MGAT4C: variants seen among roughly 807,000 people sequenced by gnomAD.
MGAT4C encodes the protein alpha-1,3-mannosyl-glycoprotein 4-beta-N-acetylglucosaminyltransferase C.
MGAT4C carries 19 observed loss-of-function variants against 40.1 expected under a neutral mutation model. The ratio of observed to expected loss-of-function variants is 0.47; its 90% CI spans 0.33 to 0.70. The LOEUF is 0.70. Ranked by LOEUF, MGAT4C falls within the 30% of genes least tolerant of loss-of-function variation. The probability of loss-of-function intolerance (pLI) is 0.02; values close to 1 mark genes in which losing one functional copy is unlikely to be tolerated. For missense variants in MGAT4C, 491 were observed against 563.2 expected (o/e 0.87, Z 1.30); for synonymous variants, 181 against 187.1 (o/e 0.97, Z 0.27).
intron 2 of MGAT4C, among the ~76,000 whole-genome samples, chr12:86,688,617 T>A (rs952126519): frequency 3.9e-5 from 6 of 152,172 alleles, no homozygotes; most frequent in Non-Finnish European, 8.8e-5. Context: ...TGAGTTTGGC[T>A]GGATATGAAA....
At position 86,692,500 on chromosome 12, in the gene MGAT4C, T is replaced by C. The variant is rs141535431; in HGVS notation, c.-229+34709A>G. On this transcript the variant is annotated intron_variant, in intron 2 of 7. Transcript: ENST00000548651. ...CAAAGACTCAATTTTGTAAAGAGTT[T>C]ATTTCTCTCCAATTTGTTTAAAATT... is the stretch of plus-strand genomic sequence containing the variant. Among the ~76,000 whole-genome samples the C allele has an allele frequency of 1.2e-4, 19 of 152,314 alleles. 1 individual carries two copies. In the East Asian group the frequency reaches 3.5e-3, roughly 28 times the overall value.
chr12:85,992,266 C>G (rs1333071062), intron 2 of MGAT4C, among the ~76,000 whole-genome samples: 1 of 152,228 alleles, frequency 6.6e-6, no homozygotes, highest in Non-Finnish European at 1.5e-5. Flanking sequence ...CCTCTATCAC[C>G]TCTACTGGGT....
intron 1 of MGAT4C, among the ~76,000 whole-genome samples, chr12:86,244,097 T>C (rs1951913960): frequency 6.6e-6 from 1 of 152,158 alleles, no homozygotes; most frequent in African/African-American, 2.4e-5. Context: ...TTATAAATAC[T>C]AAGAACAGCA....
At chr12:86,752,965 G>A (rs908879760) in intron 1 of MGAT4C, among the ~76,000 whole-genome samples, 1 of 152,218 alleles carries the variant, frequency 6.6e-6, no homozygotes, top group South Asian at 2.1e-4. Context: ...GGAAACATGG[G>A]AAAGAACTTC....
intron 3 of MGAT4C, among the ~76,000 whole-genome samples, chr12:86,401,889 T>G (rs1265875761): frequency 2.0e-5 from 3 of 152,160 alleles, no homozygotes; most frequent in African/African-American, 7.2e-5. Context: ...CTTGGAAAAG[T>G]GACATGGAAG....
At chr12:86,684,114 G>A (rs933183649) in intron 2 of MGAT4C, among the ~76,000 whole-genome samples, 2 of 152,028 alleles carry the variant, frequency 1.3e-5, no homozygotes, top group African/African-American at 2.4e-5. Context: ...GGTGGCTCAC[G>A]CCTGTAACCC....
chr12:86,449,099 T>C (rs1223030045), intron 2 of MGAT4C, among the ~76,000 whole-genome samples: 1 of 151,870 alleles, frequency 6.6e-6, no homozygotes, highest in Non-Finnish European at 1.5e-5. Flanking sequence ...AAAATGTAAC[T>C]TAATTTCTAT....
chr12:86,439,977 T>C (rs947377630), intron 2 of MGAT4C, among the ~76,000 whole-genome samples: 3 of 151,564 alleles, frequency 2.0e-5, no homozygotes, highest in Non-Finnish European at 4.4e-5. Context: ...ATTGAATCAG[T>C]GACAAAAAAT....
chr12:86,096,129 G>A (rs998757412), intron 1 of MGAT4C, among the ~76,000 whole-genome samples: 1 of 151,628 alleles, frequency 6.6e-6, no homozygotes, highest in African/African-American at 2.4e-5. Flanking sequence ...AATGTTTGCT[G>A]TCAAAGATTT....
intron 1 of MGAT4C, among the ~76,000 whole-genome samples, chr12:86,833,320 CAG>C (rs1952968639): frequency 6.6e-6 from 1 of 151,828 alleles, no homozygotes; most frequent in Non-Finnish European, 1.5e-5. Context: ...TAATATGCAA[CAG>C]AATCTTATGT....
chr12:86,548,634 G>A (rs1959220100), intron 2 of MGAT4C, among the ~76,000 whole-genome samples: 1 of 152,142 alleles, frequency 6.6e-6, no homozygotes, highest in Non-Finnish European at 1.5e-5. Flanking sequence ...GTGATTAAGA[G>A]CACAGAGCAC....
At chr12:86,305,773 T>C (rs1270062361) in intron 4 of MGAT4C, among the ~76,000 whole-genome samples, 1 of 150,530 alleles carries the variant, frequency 6.6e-6, no homozygotes, top group African/African-American at 2.5e-5. Context: ...AAATAGTTTC[T>C]ATGCTGTATT....
At chr12:86,186,545 C>T (rs915933436) in intron 1 of MGAT4C, among the ~76,000 whole-genome samples, 1 of 152,122 alleles carries the variant, frequency 6.6e-6, no homozygotes, top group Non-Finnish European at 1.5e-5. Flanking sequence ...TTGCTCATTA[C>T]CCCTAACAGA....
intron 2 of MGAT4C, among the ~76,000 whole-genome samples, chr12:86,473,931 G>A (rs1957792137): frequency 6.6e-6 from 1 of 152,100 alleles, no homozygotes; most frequent in African/African-American, 2.4e-5. Context: ...GAAAGCAGAA[G>A]TTTCTATCAA....
intron 4 of MGAT4C, among the ~76,000 whole-genome samples, chr12:86,315,783 A>G (rs2136155336): frequency 6.6e-6 from 1 of 152,158 alleles, no homozygotes; most frequent in Non-Finnish European, 1.5e-5. Flanking sequence ...CAGTCTCGGG[A>G]AATAATTTAT....
intron 1 of MGAT4C, among the ~76,000 whole-genome samples, chr12:86,103,968 A>T (rs1875621165): frequency 6.6e-6 from 1 of 152,154 alleles, no homozygotes. Context: ...TCTGGCTTTG[A>T]CAAATTATTG....
At chr12:86,197,397 T>C (rs1949857266) in intron 1 of MGAT4C, among the ~76,000 whole-genome samples, 1 of 152,194 alleles carries the variant, frequency 6.6e-6, no homozygotes, top group African/African-American at 2.4e-5. Flanking sequence ...ACAAAAATTC[T>C]AACCTTCAGT....
intron 1 of MGAT4C, among the ~76,000 whole-genome samples, chr12:86,796,840 A>G (rs1440287302): frequency 6.6e-6 from 1 of 151,934 alleles, no homozygotes; most frequent in Non-Finnish European, 1.5e-5. Context: ...TTAATTACTT[A>G]GATTTAGTCA....
intron 3 of MGAT4C, among the ~76,000 whole-genome samples, chr12:86,434,454 G>A: frequency 6.6e-6 from 1 of 151,852 alleles, no homozygotes; most frequent in Non-Finnish European, 1.5e-5. Context: ...GTATACACAT[G>A]TATATGCTCT....
Sources: gnomAD v4.1 joint callset for allele counts (sites outside exome capture counted in the v4.1 genomes callset) on GRCh38, gnomAD v4.1.1 for gene constraint, MANE v1.5 for transcripts, NCBI Gene and HGNC (gene_info 2026-07-23, HGNC 2026-07-21) for gene names.